Variants in GPCPD1 observed in about 807,000 individuals in gnomAD.
GPCPD1 encodes glycerophosphocholine phosphodiesterase GPCPD1.
In GPCPD1, 29 loss-of-function variants were observed where a neutral mutation model predicts 89.2. That is an observed-to-expected ratio of 0.33 (90% CI 0.24 to 0.44). GPCPD1 has a LOEUF of 0.44. GPCPD1 is among the 20% of genes least tolerant of loss of function. The pLI, the probability that GPCPD1 is intolerant of heterozygous loss-of-function variation, is 1.00. For missense variants in GPCPD1, 594 were observed against 808.9 expected, an observed-to-expected ratio of 0.73 and a Z score of 3.22; for synonymous variants, 258 against 266.3, an observed-to-expected ratio of 0.97 and a Z score of 0.30.
intron 19 of GPCPD1, among the ~76,000 whole-genome samples, chr20:5,555,302 T>C (rs966844197): frequency 6.6e-6 from 1 of 151,310 alleles, no homozygotes; most frequent in African/African-American, 2.4e-5. Flanking sequence ...CTTTGGGAGG[T>C]AAAGGCAGGC....
intron 7 of GPCPD1, 82 bp from the exon 8 acceptor site, chr20:5,578,693 T>C: frequency 1.3e-6 from 1 of 799,248 alleles, no homozygotes; most frequent in East Asian, 2.6e-5. Context: ...TTCTACATTT[T>C]AAAGTGCCCC....
intron 19 of GPCPD1, among the ~76,000 whole-genome samples, chr20:5,550,600 T>C (rs1452371519): frequency 3.3e-5 from 5 of 152,192 alleles, no homozygotes; most frequent in Non-Finnish European, 5.9e-5. Context: ...AGATTACATG[T>C]GTGAGAACAT....
chr20:5,570,260 T>C (rs1253228856), intron 11 of GPCPD1, 21 bp from the exon 12 acceptor site: 2 of 1,282,014 alleles, frequency 1.6e-6, no homozygotes, highest in Non-Finnish European at 2.3e-6. Context: ...GAAGCAAGTA[T>C]TTGAAAAACA....
chr20:5,579,960 G>A (rs1263026669), intron 7 of GPCPD1, 48 bp downstream of exon 7: 3 of 1,227,912 alleles, frequency 2.4e-6, no homozygotes, highest in Non-Finnish European at 3.5e-6. Flanking sequence ...GAAATCTACA[G>A]CACTAGTGAA....
chr20:5,602,047 T>G (rs778558064), intron 2 of GPCPD1, among the ~76,000 whole-genome samples: 1 of 152,214 alleles, frequency 6.6e-6, no homozygotes, highest in Non-Finnish European at 1.5e-5. Context: ...GTTGTACTTG[T>G]TTCCCCCAAG....
chr20:5,581,349 T>G (rs1246809507), intron 6 of GPCPD1, among the ~76,000 whole-genome samples: 1 of 152,134 alleles, frequency 6.6e-6, no homozygotes, highest in African/African-American at 2.4e-5. Flanking sequence ...CACAAATAAA[T>G]TAAAATATTC....
chr20:5,574,989 A>G (rs557260212), intron 10 of GPCPD1, among the ~76,000 whole-genome samples: 1 of 152,364 alleles, frequency 6.6e-6, no homozygotes, highest in East Asian at 1.9e-4. Flanking sequence ...GAGAAGACAG[A>G]GCATCTTTCG....
At chr20:5,550,130 G>A (rs1375241563) in intron 19 of GPCPD1, among the ~76,000 whole-genome samples, 2 of 151,650 alleles carry the variant, frequency 1.3e-5, no homozygotes, top group Non-Finnish European at 2.9e-5. Context: ...GTAGACAGAG[G>A]TTGCAGTGAG....
At chr20:5,599,983 T>A (rs2122787561) in intron 2 of GPCPD1, among the ~76,000 whole-genome samples, 1 of 152,348 alleles carries the variant, frequency 6.6e-6, no homozygotes, top group Non-Finnish European at 1.5e-5. Flanking sequence ...CACACTTGGA[T>A]AAAAGTACGT....
At chr20:5,572,110 T>C (rs185713722) in intron 11 of GPCPD1, among the ~76,000 whole-genome samples, 2 of 151,806 alleles carry the variant, frequency 1.3e-5, no homozygotes, top group East Asian at 3.9e-4. Context: ...TCCCAGCTAC[T>C]TGAGAGGCCA....
At chr20:5,574,582 CA>C (rs1250989189) in intron 10 of GPCPD1, among the ~76,000 whole-genome samples, 1 of 151,716 alleles carries the variant, frequency 6.6e-6, no homozygotes, top group African/African-American at 2.4e-5. Flanking sequence ...AGAAAAATAC[CA>C]AAAAAATAGC....
chr20:5,589,921 T>C (rs1054477402), intron 4 of GPCPD1, among the ~76,000 whole-genome samples: 1 of 152,184 alleles, frequency 6.6e-6, no homozygotes, highest in Non-Finnish European at 1.5e-5. Flanking sequence ...ATTTCACAAT[T>C]TAGCATACAT....
chr20:5,576,097 G>T, intron 8 of GPCPD1, 119 bp from the exon 9 acceptor site: 2 of 418,554 alleles, frequency 4.8e-6, no homozygotes, highest in East Asian at 3.7e-5. Context: ...TATGAAATGT[G>T]TATATATATA....
At position 5,558,832 on chromosome 20, in the gene GPCPD1, A is replaced by G. The variant is rs1431030480; in HGVS notation, c.1533-13T>C. 2.6e-6 allele frequency: 4 copies of G among 1,536,460 alleles called. No individual in the cohort carries two copies. The highest frequency in any genetic ancestry group is 1.4e-5 in the African/African-American group (1 of 71,238). On this transcript the variant is annotated splice_polypyrimidine_tract_variant and intron_variant, in intron 17 of 19. Coordinates refer to ENST00000379019, the MANE Select transcript of GPCPD1 (RefSeq NM_019593.5). ...CTTTTGCCGAACCCTGAAAAGAAACAATTTTAAAAATACCTTTCAATGGGG... is the reference window on the plus strand; with the variant it reads ...CTTTTGCCGAACCCTGAAAAGAAACGATTTTAAAAATACCTTTCAATGGGG...
intron 6 of GPCPD1, among the ~76,000 whole-genome samples, chr20:5,580,541 C>A (rs142345040): frequency 6.6e-6 from 1 of 151,718 alleles, no homozygotes; most frequent in African/African-American, 2.4e-5. Flanking sequence ...CTGGCTAACA[C>A]GGTGAAGCCC....
chr20:5,558,587 C>A, intron 18 of GPCPD1, 97 bp downstream of exon 18: 1 of 698,640 alleles, frequency 1.4e-6, no homozygotes, highest in Non-Finnish European at 2.3e-6. Flanking sequence ...TTAGTCAAAA[C>A]GTTAACATTA....
chr20:5,597,856 A>G (rs1407071274), intron 3 of GPCPD1, among the ~76,000 whole-genome samples: 2 of 152,330 alleles, frequency 1.3e-5, no homozygotes, highest in Non-Finnish European at 2.9e-5. Flanking sequence ...TGATGGATTC[A>G]ATGCCACTAG....
At position 5,593,192 on chromosome 20, in the gene GPCPD1, A is replaced by G. The variant is rs969062602; in HGVS notation, c.231+135T>C. 5.6e-6 allele frequency: 3 copies of G among 540,252 alleles called. No individual in the cohort carries two copies. The African/African-American group carries it at 5.7e-5, about 10-fold the overall frequency. 33.5% of individuals were successfully genotyped at this position (540,252 alleles called of 1,614,324 possible). A position where few individuals can be genotyped will look rare whatever the true frequency, so the allele number is the denominator to read the frequency against. ...AAGTGGCTACTTCCTTGGTTTTGGT[A>G]AATTTTATTAATCAAGAGTTCTATT... On this transcript the variant is annotated intron_variant, in intron 4 of 19. Transcript: ENST00000379019.
At chr20:5,584,260 A>C (rs370986747) in intron 6 of GPCPD1, 21 bp downstream of exon 6, 8 of 1,160,706 alleles carry the variant, frequency 6.9e-6, no homozygotes, top group Non-Finnish European at 1.0e-5. Context: ...GTAAACATTT[A>C]AGTAAGTCAG....
Sources: gnomAD v4.1 joint callset for allele counts (sites outside exome capture counted in the v4.1 genomes callset) on GRCh38, gnomAD v4.1.1 for gene constraint, MANE v1.5 for transcripts, NCBI Gene and HGNC (gene_info 2026-07-23, HGNC 2026-07-21) for gene names.